The following ARFIP1 variants were observed in gnomAD, a reference collection of about 807,000 sequenced individuals.
ARFIP1 encodes ARF interacting protein 1.
In ARFIP1, 24 loss-of-function variants were observed where a neutral mutation model predicts 42.5. The ratio of observed to expected loss-of-function variants is 0.57; its 90% CI spans 0.41 to 0.80. The LOEUF (loss-of-function observed/expected upper bound fraction) is 0.80, where lower values mean the gene tolerates loss of function less well. Ranked by LOEUF, ARFIP1 falls within the 30% of genes least tolerant of loss-of-function variation. The pLI, the probability that ARFIP1 is intolerant of heterozygous loss-of-function variation, is 0.00. For missense variants in ARFIP1, 354 were observed against 434.0 expected (o/e 0.82, Z 1.64); for synonymous variants, 141 against 153.7 (o/e 0.92, Z 0.61).
chr4:152,889,994 A>G (rs1254854348), intron 8 of ARFIP1, among the ~76,000 whole-genome samples: 2 of 148,312 alleles, frequency 1.3e-5, no homozygotes, highest in Non-Finnish European at 3.0e-5. Flanking sequence ...AGTCATATAT[A>G]TAATGGATGT....
chr4:152,860,900 C>T (rs1305697937), intron 2 of ARFIP1, among the ~76,000 whole-genome samples: 2 of 152,118 alleles, frequency 1.3e-5, no homozygotes, highest in Non-Finnish European at 2.9e-5. Context: ...TGTTAATAGA[C>T]AGTAGAAGGT....
At chr4:152,822,348 T>C (rs1210294112) in intron 1 of ARFIP1, among the ~76,000 whole-genome samples, 1 of 142,220 alleles carries the variant, frequency 7.0e-6, no homozygotes, top group Non-Finnish European at 1.5e-5. Flanking sequence ...TAGTAAAAAG[T>C]TCAACAAGAA....
chr4:152,896,351 A>G (rs1009522585), intron 8 of ARFIP1, among the ~76,000 whole-genome samples: 2 of 152,196 alleles, frequency 1.3e-5, no homozygotes, highest in Admixed American at 6.5e-5. Flanking sequence ...AAAGAACTCA[A>G]TGGTTCAGCA....
Position 152,911,084 on chromosome 4 carries a change from C to T in ARFIP1, c.*865C>T, listed in dbSNP as rs1197805010. 2 of 152,614 alleles carry T rather than the reference C, an allele frequency of 1.3e-5. No homozygotes were observed. The highest frequency in any genetic ancestry group is 4.8e-5 in the African/African-American group (2 of 41,456). 9.5% of individuals were successfully genotyped at this position (152,614 alleles called of 1,614,324 possible). Reference sequence around the variant, plus strand: ...TGAATACATAGACAGCTTTTATTGACTTCCATATGTAACAATACCGTTTAA... The same window carrying T: ...TGAATACATAGACAGCTTTTATTGATTTCCATATGTAACAATACCGTTTAA... On this transcript the variant is annotated 3_prime_UTR_variant, in exon 9 of 9. Transcript: ENST00000353617.
At chr4:152,821,625 T>C (rs1485909181) in intron 1 of ARFIP1, among the ~76,000 whole-genome samples, 2 of 152,066 alleles carry the variant, frequency 1.3e-5, no homozygotes, top group African/African-American at 4.8e-5. Context: ...GACATCCAAA[T>C]AAAAGAAGCT....
intron 1 of ARFIP1, among the ~76,000 whole-genome samples, chr4:152,792,049 T>G (rs976616984): frequency 6.6e-6 from 1 of 152,036 alleles, no homozygotes; most frequent in Non-Finnish European, 1.5e-5. Context: ...GTGAAAGAAA[T>G]AGAGCCACTT....
chr4:152,796,012 T>C, intron 1 of ARFIP1: 1 of 621,456 alleles, frequency 1.6e-6, no homozygotes, highest in Non-Finnish European at 3.0e-6. Context: ...ACAGTAATGG[T>C]AGTTTTTTCA....
chr4:152,843,189 T>C (rs892237511), intron 2 of ARFIP1, among the ~76,000 whole-genome samples: 4 of 152,172 alleles, frequency 2.6e-5, no homozygotes, highest in African/African-American at 9.7e-5. Context: ...TTTGTCTTTC[T>C]TCTGGGTCTA....
intron 8 of ARFIP1, among the ~76,000 whole-genome samples, chr4:152,889,569 GTATA>G (rs1357298181): frequency 7.1e-5 from 8 of 112,804 alleles, no homozygotes; most frequent in African/African-American, 2.4e-4. Flanking sequence ...ATATTTATGT[GTATA>G]TATAAATATA....
At chr4:152,896,789 T>G (rs994629899) in intron 8 of ARFIP1, among the ~76,000 whole-genome samples, 4 of 152,150 alleles carry the variant, frequency 2.6e-5, no homozygotes, top group African/African-American at 9.6e-5. Flanking sequence ...TCTTAAATAC[T>G]GTGCCTTATC....
intron 1 of ARFIP1, among the ~76,000 whole-genome samples, chr4:152,821,628 A>G (rs1267680781): frequency 6.6e-6 from 1 of 152,238 alleles, no homozygotes; most frequent in Non-Finnish European, 1.5e-5. Flanking sequence ...ATCCAAATAA[A>G]AGAAGCTTAA....
chr4:152,792,979 AT>A (rs1731223694), intron 1 of ARFIP1, among the ~76,000 whole-genome samples: 1 of 152,128 alleles, frequency 6.6e-6, no homozygotes, highest in African/African-American at 2.4e-5. Context: ...ACCCCCAGAG[AT>A]GACTTAATGA....
At chr4:152,814,205 C>T (rs1729698258) in intron 1 of ARFIP1, among the ~76,000 whole-genome samples, 1 of 151,608 alleles carries the variant, frequency 6.6e-6, no homozygotes, top group Non-Finnish European at 1.5e-5. Flanking sequence ...ATCTTCCCAC[C>T]TTAGCATCCC....
chr4:152,893,331 T>C (rs1737021113), intron 8 of ARFIP1, among the ~76,000 whole-genome samples: 1 of 152,232 alleles, frequency 6.6e-6, no homozygotes, highest in African/African-American at 2.4e-5. Context: ...GCTTCTGTTT[T>C]CTGCAATGTT....
At chr4:152,839,577 A>G (rs1390016411) in intron 2 of ARFIP1, among the ~76,000 whole-genome samples, 2 of 152,174 alleles carry the variant, frequency 1.3e-5, no homozygotes, top group African/African-American at 2.4e-5. Flanking sequence ...AAAGGTGTTC[A>G]TAGTAGCCTT....
At chr4:152,826,367 G>A (rs774925060) in intron 1 of ARFIP1, among the ~76,000 whole-genome samples, 5 of 152,116 alleles carry the variant, frequency 3.3e-5, no homozygotes, top group Non-Finnish European at 7.4e-5. Flanking sequence ...AAACAACTCA[G>A]GAATCAAAAA....
Position 152,833,164 on chromosome 4 carries a change from A to G in ARFIP1, c.93+3438A>G, listed in dbSNP as rs1372784106. Among the ~76,000 whole-genome samples, 3 of 152,280 alleles carry G rather than the reference A, an allele frequency of 2.0e-5. No individual in the cohort carries two copies. In the East Asian group the frequency reaches 5.8e-4, roughly 29 times the overall value. ...ATATCTGATAAAGTGTTAATATCCA[A>G]AATATGTAAAGAACTCATACAAGTC... On this transcript the variant is annotated intron_variant, in intron 2 of 8. Coordinates refer to ENST00000353617, the MANE Select transcript of ARFIP1 (RefSeq NM_001025595.3).
intron 7 of ARFIP1, among the ~76,000 whole-genome samples, chr4:152,886,526 TG>T (rs1469011919): frequency 6.6e-6 from 1 of 152,054 alleles, no homozygotes; most frequent in Non-Finnish European, 1.5e-5. Flanking sequence ...TACTGATTTC[TG>T]TATCCCAATT....
intron 8 of ARFIP1, among the ~76,000 whole-genome samples, chr4:152,894,900 GA>G (rs1737182747): frequency 6.6e-6 from 1 of 152,204 alleles, no homozygotes; most frequent in African/African-American, 2.4e-5. Flanking sequence ...TTAATGTTGA[GA>G]AAGTGAGAAA....
Sources: allele counts gnomAD v4.1 joint callset (sites outside exome capture counted in the v4.1 genomes callset), GRCh38; gene constraint gnomAD v4.1.1; transcripts MANE v1.5; gene names NCBI Gene and HGNC (gene_info 2026-07-23, HGNC 2026-07-21).